COL10A1: variants seen among roughly 807,000 people sequenced by gnomAD.
The protein encoded by COL10A1 is collagen type X alpha 1 chain.
Under a neutral mutation model 18.2 loss-of-function variants are expected in COL10A1, and 10 were observed. That is an observed-to-expected ratio of 0.55 (90% CI 0.34 to 0.93). The LOEUF (loss-of-function observed/expected upper bound fraction) is 0.93, where lower values mean the gene tolerates loss of function less well. COL10A1 is among the 40% of genes least tolerant of loss of function. The probability of loss-of-function intolerance (pLI) is 0.02; values close to 1 mark genes in which losing one functional copy is unlikely to be tolerated. For synonymous variants in COL10A1, 330 were observed against 316.6 expected (o/e 1.04, Z -0.45); for missense variants, 897 against 853.5 (o/e 1.05, Z -0.64).
upstream of COL10A1, among the ~76,000 whole-genome samples, chr6:116,163,141 A>AAATATATAT (rs761718922): frequency 6.1e-4 from 54 of 88,396 alleles, no homozygotes; most frequent in African/African-American, 3.1e-3. Flanking sequence ...AAAAAAAAAA[A>AAATATATAT]ATATATATAT....
the COL10A1 span, among the ~76,000 whole-genome samples, chr6:116,177,089 G>A: frequency 6.6e-6 from 1 of 152,148 alleles, no homozygotes; most frequent in South Asian, 2.1e-4. Flanking sequence ...GTTATAATAT[G>A]TGGACCGGTT....
At chr6:116,164,165 G>C in the COL10A1 span, among the ~76,000 whole-genome samples, 1 of 152,174 alleles carries the variant, frequency 6.6e-6, no homozygotes, top group African/African-American at 2.4e-5. Context: ...TCAGTGATCT[G>C]TTTGGTGTTT....
At chr6:116,153,412 C>T (rs1250338846) in intron 1 of COL10A1, among the ~76,000 whole-genome samples, 1 of 152,120 alleles carries the variant, frequency 6.6e-6, no homozygotes. Context: ...ATGATACATT[C>T]AGTTATCTTT....
upstream of COL10A1, among the ~76,000 whole-genome samples, chr6:116,160,952 CAAT>C (rs1469425144): frequency 4.6e-5 from 7 of 151,728 alleles, no homozygotes; most frequent in Non-Finnish European, 7.4e-5. Context: ...AGATGTCCAA[CAAT>C]GATAGACTGG....
At chr6:116,178,921 TTTTTC>T in the COL10A1 span, among the ~76,000 whole-genome samples, 8 of 152,214 alleles carry the variant, frequency 5.3e-5, no homozygotes, top group Non-Finnish European at 7.3e-5. Context: ...AGCCCTCTAA[TTTTTC>T]TTTCCTTATG....
chr6:116,157,911 T>C (rs1165077357), intron 1 of COL10A1, among the ~76,000 whole-genome samples: 2 of 152,170 alleles, frequency 1.3e-5, no homozygotes, highest in Non-Finnish European at 1.5e-5. Context: ...AGTACAGAAA[T>C]AAAATGTCTC....
At chr6:116,167,170 C>T in the COL10A1 span, among the ~76,000 whole-genome samples, 34 of 146,510 alleles carry the variant, frequency 2.3e-4, no homozygotes, top group African/African-American at 8.0e-4. Flanking sequence ...ATACTTTGTA[C>T]TTAAAAGGTG....
At chr6:116,154,186 C>T (rs575369407) in intron 1 of COL10A1, among the ~76,000 whole-genome samples, 1 of 152,006 alleles carries the variant, frequency 6.6e-6, no homozygotes, top group Admixed American at 6.5e-5. Context: ...TTACTTTTGG[C>T]TATTTAATTG....
chr6:116,162,499 T>G (rs888997140), upstream of COL10A1, among the ~76,000 whole-genome samples: 1 of 152,248 alleles, frequency 6.6e-6, no homozygotes, highest in African/African-American at 2.4e-5. Context: ...ATGTTGGATT[T>G]TATTGCATGT....
At chr6:116,187,294 T>A in the COL10A1 span, among the ~76,000 whole-genome samples, 3 of 151,994 alleles carry the variant, frequency 2.0e-5, no homozygotes, top group African/African-American at 7.2e-5. Context: ...TCTGTGAGGG[T>A]CATTAGTTGT....
intron 1 of COL10A1, among the ~76,000 whole-genome samples, chr6:116,146,719 T>C (rs1003980727): frequency 6.6e-6 from 1 of 152,084 alleles, no homozygotes; most frequent in Non-Finnish European, 1.5e-5. Flanking sequence ...TTAAGTGTCA[T>C]GGTATTCAAA....
the COL10A1 span, among the ~76,000 whole-genome samples, chr6:116,172,235 G>T: frequency 5.3e-5 from 8 of 150,476 alleles, no homozygotes; most frequent in South Asian, 1.5e-3. Context: ...ATAATAAGTG[G>T]TTTTAAGTTT....
At position 116,142,645 on chromosome 6, in the gene COL10A1, A is replaced by C. The variant is rs73772278; in HGVS notation, c.-16+15969T>G. On this transcript the variant is annotated intron_variant, in intron 1 of 1. Coordinates refer to the COL10A1 transcript ENST00000418500. The stretch of plus-strand genomic sequence containing the variant: ...TCAGCGAGCTGGGCATCTTGATAGA[A>C]TGATAGCTTAAAGCAGTCGATGGCA... 2.3e-3 allele frequency among the ~76,000 whole-genome samples: 346 copies of C among 152,304 alleles called. 2 individuals are homozygous for C. Among genetic ancestry groups the C allele is most frequent in the African/African-American group, 8.2e-3 (340 of 41,558 alleles).
At chr6:116,133,122 T>C (rs1482936998) in intron 1 of COL10A1, among the ~76,000 whole-genome samples, 1 of 152,212 alleles carries the variant, frequency 6.6e-6, no homozygotes. Context: ...GCTACATTAC[T>C]TGAAGAGCTC....
At position 116,120,085 on chromosome 6, in the gene COL10A1, C is replaced by G; in HGVS notation, c.2031G>C (p.Val677=). The part of the protein sequence containing the change: ...YVHSSFSGFL[V]APM ...GCTCTGTGTGTACTCACATTGGAGCCACTAGGAATCCTGAGAAAGAGGAGT... is the reference window on the plus strand; with the variant it reads ...GCTCTGTGTGTACTCACATTGGAGCGACTAGGAATCCTGAGAAAGAGGAGT... The change falls in exon 3 of 3, where the codon GTG becomes GTC. Residue 677 remains valine, a synonymous_variant. Transcript: ENST00000651968. 6.2e-7 allele frequency: 1 copy of G among 1,613,860 alleles called. No individual in the cohort carries two copies. The highest frequency in any genetic ancestry group is 1.3e-5 in the African/African-American group (1 of 74,942).
the COL10A1 span, among the ~76,000 whole-genome samples, chr6:116,200,606 G>A: frequency 6.6e-6 from 1 of 151,902 alleles, no homozygotes; most frequent in African/African-American, 2.4e-5. Context: ...ATAAGTAATG[G>A]TTATTTTATC....
chr6:116,191,726 A>C, the COL10A1 span, among the ~76,000 whole-genome samples: 1 of 152,046 alleles, frequency 6.6e-6, no homozygotes, highest in African/African-American at 2.4e-5. Context: ...AGTTTATATA[A>C]GTTTCTAGGA....
At chr6:116,125,184 A>G (rs1779257640) in intron 2 of COL10A1, among the ~76,000 whole-genome samples, 155 bp downstream of exon 2, 1 of 152,204 alleles carries the variant, frequency 6.6e-6, no homozygotes, top group South Asian at 2.1e-4. Context: ...TTCTTGTTCT[A>G]CTTTTTTCAC....
At chr6:116,187,364 G>T in the COL10A1 span, among the ~76,000 whole-genome samples, 1 of 152,022 alleles carries the variant, frequency 6.6e-6, no homozygotes, top group African/African-American at 2.4e-5. Flanking sequence ...TGAAGCTCAT[G>T]CCACAATTTA....
Sources: allele counts gnomAD v4.1 joint callset (sites outside exome capture counted in the v4.1 genomes callset), GRCh38; gene constraint gnomAD v4.1.1; transcripts MANE v1.5; gene names NCBI Gene and HGNC (gene_info 2026-07-23, HGNC 2026-07-21).